Variants in RYR3 observed in about 807,000 individuals in gnomAD.
RYR3 encodes ryanodine receptor 3.
Under a neutral mutation model 584.3 loss-of-function variants are expected in RYR3, and 207 were observed. That is an observed-to-expected ratio of 0.35 (90% CI 0.32 to 0.40). RYR3 has a LOEUF of 0.40. RYR3 is among the 10% of genes least tolerant of loss of function. The pLI, the probability that RYR3 is intolerant of heterozygous loss-of-function variation, is 1.00. For synonymous variants in RYR3, 2,416 were observed against 2,248.5 expected, an observed-to-expected ratio of 1.07 and a Z score of -2.11; for missense variants, 5,616 against 6,089.2, an observed-to-expected ratio of 0.92 and a Z score of 2.59.
chr15:33,561,286 G>A (rs558988354), intron 10 of RYR3, among the ~76,000 whole-genome samples: 328 of 152,276 alleles, frequency 2.2e-3, no homozygotes, highest in Non-Finnish European at 3.8e-3. Context: ...GCCCAATAAA[G>A]CAATTAGACT....
At chr15:33,566,627 A>G (rs983242264) in intron 11 of RYR3, 51 bp from the exon 12 acceptor site, 13 of 1,601,322 alleles carry the variant, frequency 8.1e-6, no homozygotes, top group Middle Eastern at 1.7e-4. Context: ...TTGACTGCCC[A>G]TATGTGGAAT....
intron 57 of RYR3, among the ~76,000 whole-genome samples, chr15:33,753,774 G>A (rs1035280985): frequency 1.3e-5 from 2 of 152,132 alleles, no homozygotes; most frequent in South Asian, 2.1e-4. Context: ...GGAAGCATTC[G>A]AGAAAGACTC....
At chr15:33,376,053 G>A (rs1164436033) in intron 1 of RYR3, among the ~76,000 whole-genome samples, 1 of 152,138 alleles carries the variant, frequency 6.6e-6, no homozygotes, top group Non-Finnish European at 1.5e-5. Flanking sequence ...AACAGAGTGC[G>A]ACTCCATCTC....
chr15:33,689,912 G>T (rs112790712), intron 38 of RYR3, among the ~76,000 whole-genome samples: 45 of 152,268 alleles, frequency 3.0e-4, no homozygotes, highest in African/African-American at 9.4e-4. Flanking sequence ...GTTTCTTGTA[G>T]AGTACTTAAC....
rs1383757711 is a variant in RYR3, at chr15:33,807,555, G to C, written c.10012G>C (p.Ala3338Pro). Residue 3338 changes from alanine to proline, a missense_variant and splice_region_variant, in exon 70 of 104, where the codon GCC (alanine) becomes CCC (proline). By Grantham distance (27) the Ala-to-Pro change is conservative. Around this residue, in one of 9 missense-constraint regions of RYR3, gnomAD observed 954 missense variants for 1,132.2 expected, o/e 0.84. Coordinates refer to ENST00000634891, the MANE Select transcript of RYR3 (RefSeq NM_001036.6). Reference sequence around the variant, plus strand: ...TCTTTTCTTTTGTCTTTCCACACAGGCCATGCAAGTAAAGGTACAGGTCAA... The same window carrying C: ...TCTTTTCTTTTGTCTTTCCACACAGCCCATGCAAGTAAAGGTACAGGTCAA... ...TGDSKSKMSKAMQVKSGGQDQ... is the reference protein window; with the variant it reads ...TGDSKSKMSKPMQVKSGGQDQ... The C allele has an allele frequency of 6.4e-7, 1 of 1,551,886 alleles. No homozygotes were observed.
At chr15:33,376,226 C>CT (rs1302675252) in intron 1 of RYR3, among the ~76,000 whole-genome samples, 3 of 152,146 alleles carry the variant, frequency 2.0e-5, no homozygotes, top group African/African-American at 7.2e-5. Flanking sequence ...ACCATATATA[C>CT]TTTTTTGTGT....
chr15:33,837,510 A>C, intron 88 of RYR3, 121 bp from the exon 89 acceptor site: 1 of 1,066,632 alleles, frequency 9.4e-7, no homozygotes, highest in South Asian at 1.7e-5. Context: ...CTACATCATC[A>C]CGGTCAGAGA....
chr15:33,734,770 A>C (rs898353417), intron 48 of RYR3, among the ~76,000 whole-genome samples: 1 of 150,380 alleles, frequency 6.6e-6, no homozygotes, highest in South Asian at 2.1e-4. Context: ...ACTCTCTGCA[A>C]ACTCCGCCTC....
intron 3 of RYR3, among the ~76,000 whole-genome samples, chr15:33,524,564 T>A (rs1226791816): frequency 6.6e-6 from 1 of 152,208 alleles, no homozygotes; most frequent in Non-Finnish European, 1.5e-5. Flanking sequence ...GTTATGGACT[T>A]CCTTATGGCC....
intron 86 of RYR3, among the ~76,000 whole-genome samples, chr15:33,833,847 A>T (rs2077848698): frequency 6.6e-6 from 1 of 152,208 alleles, no homozygotes; most frequent in Non-Finnish European, 1.5e-5. Context: ...TCCTGCCAAG[A>T]CTTTTCTAGA....
At chr15:33,479,804 C>T (rs1222852563) in intron 2 of RYR3, among the ~76,000 whole-genome samples, 1 of 152,174 alleles carries the variant, frequency 6.6e-6, no homozygotes, top group Non-Finnish European at 1.5e-5. Flanking sequence ...CTCCATACCC[C>T]TCCCACAACT....
chr15:33,311,192 TGCCCGGTGCCGGGC>T lies in RYR3; in HGVS notation c.51+99_51+112del. The T allele has an allele frequency of 2.1e-6, 2 of 959,550 alleles. No individual in the cohort carries two copies. The allele number at this position is 959,550 out of a possible 1,614,324, so 59.4% of individuals were successfully genotyped here. On this transcript the variant is annotated intron_variant, in intron 1 of 103. Transcript: ENST00000634891. The surrounding 1 kb of genome is among the most constrained non-coding windows in gnomAD (Gnocchi z 4.4). ...GGCTGCGCTGCGCCGCGGTGCCGGG[TGCCCGGTGCCGGGC>T]GCTTTCTCCGCACCCGCGGGCTGCA...
intron 1 of RYR3, among the ~76,000 whole-genome samples, chr15:33,350,808 G>C (rs1364261922): frequency 6.6e-6 from 1 of 150,904 alleles, no homozygotes; most frequent in African/African-American, 2.4e-5. Context: ...AGAGAAAGCA[G>C]GAAAGATCCA....
At chr15:33,486,210 A>G (rs1026157489) in intron 2 of RYR3, among the ~76,000 whole-genome samples, 10 of 152,198 alleles carry the variant, frequency 6.6e-5, no homozygotes, top group African/African-American at 2.4e-4. Flanking sequence ...GAAAACAACA[A>G]ATTATTCTCT....
intron 1 of RYR3, among the ~76,000 whole-genome samples, chr15:33,379,893 C>T (rs550483869): frequency 1.3e-4 from 19 of 151,972 alleles, no homozygotes; most frequent in South Asian, 1.0e-3. Flanking sequence ...GGCAAGCCCC[C>T]GGTGCAATTC....
chr15:33,349,275 C>T (rs115439167), intron 1 of RYR3, among the ~76,000 whole-genome samples: 1,674 of 152,204 alleles, frequency 0.011, 32 homozygotes, highest in African/African-American at 0.038. Flanking sequence ...CATAAGGTTT[C>T]AGCCTAATTG....
At chr15:33,478,375 G>A (rs6495110) in intron 2 of RYR3, among the ~76,000 whole-genome samples, 18,300 of 152,110 alleles carry the variant, frequency 0.12, 2,737 homozygotes, top group African/African-American at 0.35. Context: ...AAAGCCTCAC[G>A]TACCATAGGA....
At chr15:33,843,765 A>C (rs1466116970) in intron 92 of RYR3, among the ~76,000 whole-genome samples, 191 bp downstream of exon 92, 2 of 152,256 alleles carry the variant, frequency 1.3e-5, no homozygotes, top group Admixed American at 6.5e-5. Flanking sequence ...CAAGAGAGCC[A>C]GTGAGGGGAC....
intron 64 of RYR3, among the ~76,000 whole-genome samples, chr15:33,776,739 A>G (rs2074018795): frequency 6.6e-6 from 1 of 152,192 alleles, no homozygotes; most frequent in South Asian, 2.1e-4. Flanking sequence ...GCAAAGCACC[A>G]TTTACGTGCA....
Sources: allele counts gnomAD v4.1 joint callset (sites outside exome capture counted in the v4.1 genomes callset), GRCh38; gene constraint gnomAD v4.1.1; regional missense constraint gnomAD v4.1.1; non-coding constraint Gnocchi (gnomAD v3.1); transcripts MANE v1.5; gene names NCBI Gene and HGNC (gene_info 2026-07-23, HGNC 2026-07-21).